Variants in LPA observed in about 807,000 individuals in gnomAD.
LPA encodes the protein apolipoprotein(a).
LPA carries 199 observed loss-of-function variants against 197.9 expected under a neutral mutation model. The observed-to-expected ratio is 1.01, with a 90% CI of 0.90 to 1.13. LPA has a LOEUF of 1.13. Ranked by LOEUF, LPA falls within the 50% of genes most tolerant of loss-of-function variation. LPA has a pLI of 0.00. For synonymous variants in LPA, 715 were observed against 639.5 expected, an observed-to-expected ratio of 1.12 and a Z score of -1.78; for missense variants, 1,853 against 1,785.8, an observed-to-expected ratio of 1.04 and a Z score of -0.68.
At chr6:160,651,283 A>G (rs991499349) in intron 1 of LPA, among the ~76,000 whole-genome samples, 3 of 152,208 alleles carry the variant, frequency 2.0e-5, no homozygotes, top group African/African-American at 7.2e-5. Context: ...CAGCAGTTTC[A>G]ATGGGGTTAG....
chr6:160,663,209 T>C (rs1220482884), intron 1 of LPA, among the ~76,000 whole-genome samples: 8 of 152,246 alleles, frequency 5.3e-5, no homozygotes, highest in African/African-American at 1.9e-4. Context: ...CTCTTCTTAA[T>C]TGGATTCTGC....
intron 22 of LPA, among the ~76,000 whole-genome samples, chr6:160,593,680 C>T (rs1583604510): frequency 2.0e-5 from 3 of 152,192 alleles, no homozygotes; most frequent in East Asian, 1.9e-4. Flanking sequence ...TGGAATGGTG[C>T]TATTTCTAAG....
At position 160,611,337 on chromosome 6, in the gene LPA, C is replaced by T. The variant is rs151298886; in HGVS notation, c.2603+225G>A. On this transcript the variant is annotated intron_variant, in intron 16 of 38. Transcript: ENST00000316300. ...CTTTCTTCATAAGGTGATCTCCTCG[C>T]CTCCTCATTTCCCTTCTGCTCCACA... Among the ~76,000 whole-genome samples the T allele has an allele frequency of 3.2e-3, 491 of 152,164 alleles. 7 individuals are homozygous for T. The highest frequency in any genetic ancestry group is 0.013 in the South Asian group (64 of 4,822).
chr6:160,548,468 G>A lies in LPA; in HGVS notation c.5155+10C>T, dbSNP rs1778111629. 1.9e-6 allele frequency: 3 copies of A among 1,612,930 alleles called. No individual in the cohort carries two copies. The highest frequency in any genetic ancestry group is 2.2e-5 in the South Asian group (2 of 91,074). On this transcript the variant is annotated intron_variant, in intron 31 of 38. Transcript: ENST00000316300. ...TATGTGCTAGACAAGGTAAGACACA[G>A]ACTTCTTACCTTGTTCAGAAGGAGG...
intron 1 of LPA, among the ~76,000 whole-genome samples, chr6:160,660,962 C>G (rs1256694299): frequency 6.6e-6 from 1 of 152,116 alleles, no homozygotes; most frequent in East Asian, 1.9e-4. Flanking sequence ...TCTTTGAGAT[C>G]AAATCTGAGG....
chr6:160,553,968 T>C (rs1408075789), intron 30 of LPA, among the ~76,000 whole-genome samples: 17 of 141,430 alleles, frequency 1.2e-4, no homozygotes, highest in Non-Finnish European at 2.1e-4. Flanking sequence ...CGCGCGCGCG[T>C]GTGCGTGTGT....
chr6:160,595,406 A>G lies in LPA; in HGVS notation c.3417T>C (p.Leu1139=), dbSNP rs754341114. Residue 1139 remains leucine, a synonymous_variant, in exon 21 of 39, where the codon CTT becomes CTC. Transcript: ENST00000316300. ...GATCTGGGACCACCGTGAGAGTTGC[A>G]AGGACACTTGATTCTGTCACCAGGC... The part of the protein sequence containing the change: ...TQCLVTESSV[L]ATLTVVPDPS... The G allele has an allele frequency of 3.7e-6, 6 of 1,613,772 alleles. No individual in the cohort carries two copies. Among genetic ancestry groups the G allele is most frequent in the African/African-American group, 2.7e-5 (2 of 74,882 alleles).
intron 22 of LPA, 48 bp from the exon 23 acceptor site, chr6:160,591,149 A>C (rs759967629): frequency 1.2e-6 from 2 of 1,607,756 alleles, no homozygotes; most frequent in African/African-American, 2.7e-5. Flanking sequence ...GAGAAGATAC[A>C]AGGGCACCAG....
At chr6:160,600,338 A>G (rs1415118824) in intron 19 of LPA, among the ~76,000 whole-genome samples, 1 of 152,216 alleles carries the variant, frequency 6.6e-6, no homozygotes, top group Non-Finnish European at 1.5e-5. Flanking sequence ...AGAAAGAGGC[A>G]AAAGCACACG....
intron 28 of LPA, among the ~76,000 whole-genome samples, chr6:160,564,047 G>T (rs1176530921): frequency 6.6e-6 from 1 of 152,050 alleles, no homozygotes; most frequent in Non-Finnish European, 1.5e-5. Context: ...TTTAATTGGG[G>T]CATTTAGCCC....
At chr6:160,585,295 G>T in intron 25 of LPA, 90 bp from the exon 26 acceptor site, 2 of 1,271,948 alleles carry the variant, frequency 1.6e-6, no homozygotes, top group Non-Finnish European at 2.3e-6. Context: ...ATAATCTGAG[G>T]ATTAACAATT....
At chr6:160,543,511 C>A (rs888065417) in intron 33 of LPA, among the ~76,000 whole-genome samples, 4 of 152,182 alleles carry the variant, frequency 2.6e-5, no homozygotes, top group African/African-American at 9.6e-5. Flanking sequence ...ATTCTACACT[C>A]CAGTGAATCT....
At chr6:160,543,640 G>T (rs931676118) in intron 33 of LPA, among the ~76,000 whole-genome samples, 1 of 152,156 alleles carries the variant, frequency 6.6e-6, no homozygotes, top group African/African-American at 2.4e-5. Flanking sequence ...TTCTAGTGCT[G>T]AGCTCAATTT....
intron 1 of LPA, among the ~76,000 whole-genome samples, chr6:160,656,978 G>T (rs1780143187): frequency 6.6e-6 from 1 of 152,146 alleles, no homozygotes; most frequent in African/African-American, 2.4e-5. Flanking sequence ...TCTGATGGCT[G>T]CTTTGCCTCT....
At chr6:160,582,221 T>C (rs1055871610) in intron 26 of LPA, among the ~76,000 whole-genome samples, 1 of 152,024 alleles carries the variant, frequency 6.6e-6, no homozygotes, top group African/African-American at 2.4e-5. Flanking sequence ...TCTTTTTTTT[T>C]CTTCTTAGCA....
chr6:160,577,075 G>T (rs1778697604), intron 28 of LPA, 61 bp downstream of exon 28: 2 of 1,591,022 alleles, frequency 1.3e-6, no homozygotes, highest in Non-Finnish European at 1.7e-6. Flanking sequence ...TAAAGCATGG[G>T]TCTTCTAACC....
chr6:160,596,331 G>A (rs73596816), intron 20 of LPA, among the ~76,000 whole-genome samples: 5,530 of 150,312 alleles, frequency 0.037, 134 homozygotes, highest in South Asian at 0.096. Context: ...CTCTTTTCTT[G>A]TTCACTGAAT....
At chr6:160,570,763 C>G (rs1778548308) in intron 28 of LPA, among the ~76,000 whole-genome samples, 1 of 152,128 alleles carries the variant, frequency 6.6e-6, no homozygotes, top group Admixed American at 6.5e-5. Flanking sequence ...CTCTGGCTGC[C>G]CTCAACATTT....
chr6:160,605,168 G>A lies in LPA; in HGVS notation c.2823C>T (p.Tyr941=), dbSNP rs1779321032. ...TEQRPGVQEC[Y]HGNGQSYQGT... The stretch of plus-strand genomic sequence containing the variant: ...CTTGATAACTCTGTCCATTTCCGTG[G>A]TAGCACTCCTGCACCCCAGGCCTTT... The change falls in exon 18 of 39, where the codon TAC becomes TAT. Residue 941 remains tyrosine, a synonymous_variant. Coordinates refer to ENST00000316300, the MANE Select transcript of LPA (RefSeq NM_005577.4). 1.2e-6 allele frequency: 2 copies of A among 1,613,822 alleles called. No homozygotes were observed. The highest frequency in any genetic ancestry group is 1.7e-6 in the Non-Finnish European group (2 of 1,179,906).
Sources: allele counts gnomAD v4.1 joint callset (sites outside exome capture counted in the v4.1 genomes callset), GRCh38; gene constraint gnomAD v4.1.1; transcripts MANE v1.5; gene names NCBI Gene and HGNC (gene_info 2026-07-23, HGNC 2026-07-21).